Variants in EPC1 observed in about 807,000 individuals in gnomAD.
EPC1 encodes enhancer of polycomb 1.
In EPC1, 12 loss-of-function variants were observed where a neutral mutation model predicts 98.4. The observed-to-expected ratio is 0.12, with a 90% CI of 0.08 to 0.20. EPC1 has a LOEUF of 0.20. EPC1 is among the 10% of genes least tolerant of loss of function. The pLI is 1.00. For synonymous variants in EPC1, 357 were observed against 363.9 expected, an observed-to-expected ratio of 0.98 and a Z score of 0.21; for missense variants, 729 against 990.5, an observed-to-expected ratio of 0.74 and a Z score of 3.54.
intron 1 of EPC1, among the ~76,000 whole-genome samples, chr10:32,328,928 C>T (rs1837471060): frequency 6.6e-6 from 1 of 152,192 alleles, no homozygotes. Flanking sequence ...GTCTGATATA[C>T]AGAATTATGC....
At chr10:32,342,603 A>G (rs551032821) in intron 1 of EPC1, among the ~76,000 whole-genome samples, 1 of 152,316 alleles carries the variant, frequency 6.6e-6, no homozygotes, top group East Asian at 1.9e-4. Context: ...GTTAGATCCT[A>G]CTTGTAACAG....
chr10:32,348,049 T>C (rs1429710342), upstream of EPC1, among the ~76,000 whole-genome samples: 1 of 152,174 alleles, frequency 6.6e-6, no homozygotes, highest in Non-Finnish European at 1.5e-5. Context: ...TATATCTAGC[T>C]CATGATTCTG....
chr10:32,357,557 T>A (rs1434247586), intron 1 of EPC1, among the ~76,000 whole-genome samples: 1 of 152,200 alleles, frequency 6.6e-6, no homozygotes, highest in Non-Finnish European at 1.5e-5. Flanking sequence ...AACTTCTGGA[T>A]TCAAGTGATC....
chr10:32,335,097 C>G (rs1174264463), intron 1 of EPC1, among the ~76,000 whole-genome samples: 3 of 152,174 alleles, frequency 2.0e-5, no homozygotes, highest in African/African-American at 7.2e-5. Flanking sequence ...GCTGCCCTTC[C>G]TTGAGGCTAT....
At chr10:32,309,127 C>G (rs1004401807) in intron 1 of EPC1, among the ~76,000 whole-genome samples, 3 of 151,892 alleles carry the variant, frequency 2.0e-5, no homozygotes, top group African/African-American at 7.3e-5. Context: ...TAGAAGGGTA[C>G]TGGGGAGGGG....
chr10:32,366,731 G>T (rs1169189808), intron 1 of EPC1, among the ~76,000 whole-genome samples: 1 of 152,146 alleles, frequency 6.6e-6, no homozygotes, highest in East Asian at 1.9e-4. Flanking sequence ...AACCCACACA[G>T]TGATCACAGC....
At chr10:32,350,794 C>A (rs1415460520), upstream of EPC1, among the ~76,000 whole-genome samples, 2 of 152,226 alleles carry the variant, frequency 1.3e-5, no homozygotes, top group Non-Finnish European at 2.9e-5. Context: ...ACACTGCATT[C>A]TGTGGTAACT....
At chr10:32,290,995 C>T (rs1274245520) in intron 6 of EPC1, among the ~76,000 whole-genome samples, 168 bp downstream of exon 6, 2 of 151,856 alleles carry the variant, frequency 1.3e-5, no homozygotes, top group African/African-American at 2.4e-5. Context: ...CAGGCTGGTC[C>T]CGAACTCCTG....
chr10:32,283,361 G>C (rs1456890271), intron 10 of EPC1: 1 of 151,992 alleles, frequency 6.6e-6, no homozygotes, highest in African/African-American at 2.4e-5. Context: ...TTGCTGTGAA[G>C]CCTGGAATGC....
intron 10 of EPC1, among the ~76,000 whole-genome samples, chr10:32,278,371 GTTTTTTTTTTTTTGTTT>G (rs1836214577): frequency 9.7e-6 from 1 of 102,598 alleles, no homozygotes. Context: ...GTTTTTTTTT[GTTTTTTTTTTTTTGTTT>G]TTTTTTTTTT....
intron 1 of EPC1, among the ~76,000 whole-genome samples, chr10:32,309,136 G>A (rs1006247619): frequency 2.6e-5 from 4 of 151,994 alleles, no homozygotes; most frequent in Non-Finnish European, 5.9e-5. Flanking sequence ...ACTGGGGAGG[G>A]GTAGAAAAAG....
chr10:32,359,364 A>G (rs1839373909), intron 1 of EPC1, among the ~76,000 whole-genome samples: 1 of 152,224 alleles, frequency 6.6e-6, no homozygotes, highest in South Asian at 2.1e-4. Context: ...CTTTGATAGT[A>G]TATATGGTTT....
Position 32,347,107 on chromosome 10 carries a change from C to G in EPC1, c.-192G>C. 2 of 1,440,388 alleles carry G rather than the reference C, an allele frequency of 1.4e-6. No individual in the cohort carries two copies. Among genetic ancestry groups the G allele is most frequent in the Non-Finnish European group, 1.8e-6 (2 of 1,103,134 alleles). The allele number at this position is 1,440,388 out of a possible 1,614,324, so 89.2% of individuals were successfully genotyped here. The stretch of plus-strand genomic sequence containing the variant: ...TGTGCCGCTCCGCTCCTCTCTCGCT[C>G]GCTCTCTTCAATACGCCATGGCCAA... On this transcript the variant is annotated 5_prime_UTR_variant, in exon 1 of 14. Transcript: ENST00000319778.
At chr10:32,346,513 GC>G (rs1487105846) in intron 1 of EPC1, 8 of 499,568 alleles carry the variant, frequency 1.6e-5, no homozygotes, top group Admixed American at 3.5e-5. Flanking sequence ...TGCCTTTCGG[GC>G]CCCCGAACTC....
intron 2 of EPC1, among the ~76,000 whole-genome samples, chr10:32,303,650 G>A (rs1050467143): frequency 6.6e-6 from 1 of 152,210 alleles, no homozygotes; most frequent in Non-Finnish European, 1.5e-5. Context: ...GGGAGAGGCA[G>A]GGATATGGTT....
intron 1 of EPC1, among the ~76,000 whole-genome samples, chr10:32,342,500 T>C (rs914518561): frequency 6.6e-6 from 1 of 152,206 alleles, no homozygotes; most frequent in Non-Finnish European, 1.5e-5. Context: ...TTAGTAACAA[T>C]GTATATTGTG....
intron 1 of EPC1, among the ~76,000 whole-genome samples, chr10:32,366,683 A>T (rs1024739547): frequency 6.3e-5 from 7 of 111,384 alleles, no homozygotes; most frequent in Non-Finnish European, 1.4e-4. Context: ...ATATATAAAA[A>T]AGCAAAATGA....
At position 32,268,923 on chromosome 10, in the gene EPC1, T is replaced by G; in HGVS notation, c.*140A>C. On this transcript the variant is annotated 3_prime_UTR_variant, in exon 14 of 14. Coordinates refer to ENST00000319778, the MANE Select transcript of EPC1 (RefSeq NM_001272004.3). ...CAGTAAGAAAAGAAAAATTGAAGCA[T>G]GAGAGATGAGCATTGCTGTCAAGTC... The G allele has an allele frequency of 6.2e-5, 41 of 659,290 alleles. No homozygotes were observed. The highest frequency in any genetic ancestry group is 9.7e-5 in the Non-Finnish European group (37 of 381,190). 40.8% of individuals were successfully genotyped at this position (659,290 alleles called of 1,614,324 possible).
rs536582282 is a variant in EPC1, at chr10:32,290,361, C to T, written c.975+802G>A. 2.3e-3 allele frequency among the ~76,000 whole-genome samples: 345 copies of T among 151,628 alleles called. 1 individual carries two copies. Among genetic ancestry groups the T allele is most frequent in the African/African-American group, 7.8e-3 (321 of 41,336 alleles). On this transcript the variant is annotated intron_variant, in intron 6 of 13. Transcript: ENST00000319778. Reference sequence around the variant, plus strand: ...AGCCCAGCATGGTGGCGCGTGCTACCTGTAGTCCCAGCTACTCGGGGAGGC... The same window carrying T: ...AGCCCAGCATGGTGGCGCGTGCTACTTGTAGTCCCAGCTACTCGGGGAGGC...
Sources: allele counts gnomAD v4.1 joint callset (sites outside exome capture counted in the v4.1 genomes callset), GRCh38; gene constraint gnomAD v4.1.1; transcripts MANE v1.5; gene names NCBI Gene and HGNC (gene_info 2026-07-23, HGNC 2026-07-21).